The following HS6ST3 variants were observed in gnomAD, a reference collection of about 807,000 sequenced individuals.
The protein encoded by HS6ST3 is heparan sulfate 6-O-sulfotransferase 3.
HS6ST3 carries 12 observed loss-of-function variants against 36.7 expected under a neutral mutation model. The ratio of observed to expected loss-of-function variants is 0.33; its 90% CI spans 0.21 to 0.53. The LOEUF (loss-of-function observed/expected upper bound fraction) is 0.53, where lower values mean the gene tolerates loss of function less well. Ranked by LOEUF, HS6ST3 falls within the 20% of genes least tolerant of loss-of-function variation. HS6ST3 has a pLI of 0.95. For synonymous variants in HS6ST3, 240 were observed against 257.5 expected (o/e 0.93, Z 0.65); for missense variants, 584 against 640.9 (o/e 0.91, Z 0.96).
At chr13:96,475,635 A>G (rs1381928394) in intron 1 of HS6ST3, among the ~76,000 whole-genome samples, 2 of 151,904 alleles carry the variant, frequency 1.3e-5, no homozygotes, top group East Asian at 1.9e-4. Flanking sequence ...AAAAAAGAAA[A>G]GAAAGAAAAT....
intron 1 of HS6ST3, among the ~76,000 whole-genome samples, chr13:96,139,935 G>C (rs568982024): frequency 6.0e-4 from 92 of 152,206 alleles, no homozygotes; most frequent in Non-Finnish European, 1.1e-3. Flanking sequence ...TGAACTGCAA[G>C]GGTCTAATTA....
At chr13:96,512,367 T>G (rs2056053330) in intron 1 of HS6ST3, among the ~76,000 whole-genome samples, 1 of 152,242 alleles carries the variant, frequency 6.6e-6, no homozygotes, top group African/African-American at 2.4e-5. Flanking sequence ...TAACTGTTCT[T>G]GAAACTTTTA....
intron 1 of HS6ST3, among the ~76,000 whole-genome samples, chr13:96,096,574 A>AC (rs1260835758): frequency 6.6e-6 from 1 of 152,230 alleles, no homozygotes; most frequent in African/African-American, 2.4e-5. Context: ...AAATATTTCT[A>AC]CCAAGGAAAC....
intron 1 of HS6ST3, among the ~76,000 whole-genome samples, chr13:96,747,988 T>A (rs1334642322): frequency 6.6e-6 from 1 of 152,158 alleles, no homozygotes; most frequent in Non-Finnish European, 1.5e-5. Flanking sequence ...CTTTTATAAG[T>A]GAGAAGGCTG....
At chr13:96,715,957 A>G (rs1412349592) in intron 1 of HS6ST3, among the ~76,000 whole-genome samples, 2 of 151,888 alleles carry the variant, frequency 1.3e-5, no homozygotes, top group African/African-American at 2.4e-5. Context: ...CATCAGATTG[A>G]TAATATCTAC....
At chr13:96,763,632 C>T (rs1877023097) in intron 1 of HS6ST3, among the ~76,000 whole-genome samples, 1 of 151,882 alleles carries the variant, frequency 6.6e-6, no homozygotes, top group Admixed American at 6.6e-5. Flanking sequence ...AGTTCAAATC[C>T]TGGCTTCACT....
intron 1 of HS6ST3, among the ~76,000 whole-genome samples, chr13:96,761,140 G>A (rs11842188): frequency 6.7e-6 from 1 of 150,286 alleles, no homozygotes; most frequent in Admixed American, 6.6e-5. Flanking sequence ...TTTGAGACAG[G>A]TCCTCACTGT....
chr13:96,388,430 T>C (rs1018266516), intron 1 of HS6ST3, among the ~76,000 whole-genome samples: 4 of 152,208 alleles, frequency 2.6e-5, no homozygotes. Flanking sequence ...GATGGGGTTA[T>C]AAGGAATAAT....
rs1347282891 is a variant in HS6ST3 at position 96,220,816 on chromosome 13, AT to A, written c.707+129254del. The stretch of plus-strand genomic sequence containing the variant: ...TGTCTGACAATGTCATGATTTTCTC[AT>A]TTTTTTAATGCCTCAGTGTTGAAGC... On this transcript the variant is annotated intron_variant, in intron 1 of 1. Transcript: ENST00000376705. Among the ~76,000 whole-genome samples, 6 of 152,040 alleles carry A rather than the reference AT, an allele frequency of 3.9e-5. No homozygotes were observed. In the East Asian group the frequency reaches 9.7e-4, roughly 25 times the overall value.
chr13:96,257,519 G>A (rs2054642895), intron 1 of HS6ST3, among the ~76,000 whole-genome samples: 1 of 151,890 alleles, frequency 6.6e-6, no homozygotes, highest in South Asian at 2.1e-4. Flanking sequence ...ATCAATTTTG[G>A]GACCCTTGAC....
intron 1 of HS6ST3, among the ~76,000 whole-genome samples, chr13:96,139,698 G>A (rs1182327601): frequency 6.6e-6 from 1 of 151,940 alleles, no homozygotes; most frequent in Non-Finnish European, 1.5e-5. Context: ...TAGGACTACA[G>A]TGTATGAAAC....
chr13:96,264,462 A>G (rs1375925645), intron 1 of HS6ST3, among the ~76,000 whole-genome samples: 1 of 152,178 alleles, frequency 6.6e-6, no homozygotes, highest in Non-Finnish European at 1.5e-5. Flanking sequence ...TGGCTTGTCC[A>G]TACTTGGGAG....
intron 1 of HS6ST3, among the ~76,000 whole-genome samples, chr13:96,236,573 TTC>T (rs2054535794): frequency 6.6e-6 from 1 of 152,164 alleles, no homozygotes; most frequent in South Asian, 2.1e-4. Context: ...ACCTTTCTTC[TTC>T]TGTTATTTAT....
chr13:96,650,711 C>T (rs528316038), intron 1 of HS6ST3, among the ~76,000 whole-genome samples: 3 of 152,078 alleles, frequency 2.0e-5, no homozygotes, highest in African/African-American at 7.2e-5. Flanking sequence ...GCATGGGGAA[C>T]CGAGTGAGTG....
intron 1 of HS6ST3, among the ~76,000 whole-genome samples, chr13:96,315,573 A>G (rs190124921): frequency 6.6e-6 from 1 of 152,294 alleles, no homozygotes; most frequent in East Asian, 1.9e-4. Flanking sequence ...AAAGCTCATG[A>G]TAAAATTAAA....
At chr13:96,112,141 A>G (rs1167390194) in intron 1 of HS6ST3, among the ~76,000 whole-genome samples, 1 of 152,176 alleles carries the variant, frequency 6.6e-6, no homozygotes, top group Non-Finnish European at 1.5e-5. Flanking sequence ...ATACAATTAT[A>G]TTTATGAGTT....
At chr13:96,754,028 A>G (rs957473031) in intron 1 of HS6ST3, among the ~76,000 whole-genome samples, 4 of 152,144 alleles carry the variant, frequency 2.6e-5, no homozygotes, top group African/African-American at 9.7e-5. Context: ...CATGTTGGCC[A>G]GGCTGATCTC....
Position 96,366,070 on chromosome 13 carries a change from G to A in HS6ST3, c.707+274501G>A, listed in dbSNP as rs189673200. ...CTGAATTAGTCCTACTCCTTCCCTA[G>A]GGAGGTGACTAAAGGATTAGAAGAT... On this transcript the variant is annotated intron_variant, in intron 1 of 1. Transcript: ENST00000376705. 3.0e-3 allele frequency among the ~76,000 whole-genome samples: 456 copies of A among 152,230 alleles called. 2 individuals are homozygous for A. The highest frequency in any genetic ancestry group is 5.2e-3 in the Non-Finnish European group (357 of 68,014).
At chr13:96,731,153 A>T (rs1187047353) in intron 1 of HS6ST3, among the ~76,000 whole-genome samples, 1 of 152,256 alleles carries the variant, frequency 6.6e-6, no homozygotes, top group African/African-American at 2.4e-5. Context: ...CATTAACTAT[A>T]GTCACTATGT....
Sources: gnomAD v4.1 joint callset for allele counts (sites outside exome capture counted in the v4.1 genomes callset) on GRCh38, gnomAD v4.1.1 for gene constraint, MANE v1.5 for transcripts, NCBI Gene and HGNC (gene_info 2026-07-23, HGNC 2026-07-21) for gene names.